Variants in BRAF observed in about 807,000 individuals in gnomAD.
BRAF encodes the protein B-Raf proto-oncogene, serine/threonine kinase.
Under a neutral mutation model 104.6 loss-of-function variants are expected in BRAF, and 16 were observed. That is an observed-to-expected ratio of 0.15 (90% CI 0.10 to 0.23). BRAF has a LOEUF of 0.23. Among genes scored for constraint, BRAF ranks in the 10% least tolerant of loss-of-function variants. The pLI is 1.00. For missense variants in BRAF, 541 were observed against 937.3 expected, an observed-to-expected ratio of 0.58 and a Z score of 5.52; for synonymous variants, 310 against 341.6, an observed-to-expected ratio of 0.91 and a Z score of 1.02.
chr7:140,736,239 T>C (rs1413663511), intron 18 of BRAF, among the ~76,000 whole-genome samples: 2 of 149,536 alleles, frequency 1.3e-5, no homozygotes, highest in Non-Finnish European at 3.0e-5. Context: ...CCCGGATAAT[T>C]TTGTATTTTT....
At chr7:140,861,735 A>G (rs1367644746) in intron 1 of BRAF, among the ~76,000 whole-genome samples, 1 of 152,244 alleles carries the variant, frequency 6.6e-6, no homozygotes, top group African/African-American at 2.4e-5. Flanking sequence ...ATCTGTGTCT[A>G]TAATTTTTTT....
chr7:140,757,806 G>A (rs971684663), intron 14 of BRAF, among the ~76,000 whole-genome samples: 1 of 152,086 alleles, frequency 6.6e-6, no homozygotes, highest in African/African-American at 2.4e-5. Context: ...TTCTAAATAC[G>A]TAATTATATT....
chr7:140,906,323 A>G (rs1215279265), intron 1 of BRAF, among the ~76,000 whole-genome samples: 2 of 151,806 alleles, frequency 1.3e-5, no homozygotes, highest in African/African-American at 4.8e-5. Context: ...CACCTCAGCC[A>G]CCTGAGTAGC....
rs1208264905 is a variant in BRAF at position 140,918,083 on chromosome 7, A to G, written c.138+6483T>C. ...TTTTCTACACAGATGATACCTGAGA[A>G]GATTTATGCCAGCACAAACCTCTCT... On this transcript the variant is annotated intron_variant, in intron 1 of 19. Coordinates refer to ENST00000644969, the MANE Select transcript of BRAF (RefSeq NM_001374258.1). 2.0e-5 allele frequency among the ~76,000 whole-genome samples: 3 copies of G among 152,194 alleles called. No homozygotes were observed. In the East Asian group the frequency reaches 5.8e-4, roughly 29 times the overall value.
At chr7:140,883,273 T>C (rs941365901) in intron 1 of BRAF, among the ~76,000 whole-genome samples, 1 of 152,184 alleles carries the variant, frequency 6.6e-6, no homozygotes, top group Non-Finnish European at 1.5e-5. Context: ...TACTGGATCC[T>C]ATTTAGTCAC....
chr7:140,868,356 T>A (rs1490965799), intron 1 of BRAF, among the ~76,000 whole-genome samples: 1 of 152,128 alleles, frequency 6.6e-6, no homozygotes, highest in Non-Finnish European at 1.5e-5. Flanking sequence ...GATGAATAAA[T>A]AAAATGTCGC....
intron 19 of BRAF, among the ~76,000 whole-genome samples, chr7:140,729,129 G>A (rs1795786417): frequency 6.6e-6 from 1 of 151,724 alleles, no homozygotes; most frequent in African/African-American, 2.4e-5. Flanking sequence ...GCTACCTAGA[G>A]GAGGCTGAAG....
intron 14 of BRAF, among the ~76,000 whole-genome samples, chr7:140,766,496 GA>G (rs1799338625): frequency 6.7e-6 from 1 of 149,684 alleles, no homozygotes; most frequent in Non-Finnish European, 1.5e-5. Flanking sequence ...AAAATGGAAA[GA>G]ATACCCACAC....
chr7:140,885,637 T>C (rs948761514), intron 1 of BRAF, among the ~76,000 whole-genome samples: 1 of 152,174 alleles, frequency 6.6e-6, no homozygotes, highest in Non-Finnish European at 1.5e-5. Context: ...GGCAACTGTG[T>C]CTATTTTTGT....
At chr7:140,827,064 T>C (rs1806140853) in intron 3 of BRAF, among the ~76,000 whole-genome samples, 1 of 152,198 alleles carries the variant, frequency 6.6e-6, no homozygotes, top group Admixed American at 6.5e-5. Context: ...TCATGGTGCT[T>C]ACCTTTTTCC....
intron 1 of BRAF, among the ~76,000 whole-genome samples, chr7:140,873,777 C>A (rs557191223): frequency 1.4e-4 from 21 of 152,274 alleles, no homozygotes; most frequent in African/African-American, 4.6e-4. Context: ...CACAGAGGAG[C>A]CCGGAGGAAA....
chr7:140,720,758 C>G lies in BRAF; in HGVS notation c.*5736G>C. On this transcript the variant is annotated 3_prime_UTR_variant, in exon 20 of 20. Coordinates refer to ENST00000644969, the MANE Select transcript of BRAF (RefSeq NM_001374258.1). Reference sequence around the variant, plus strand: ...TTTGCAGTGACTTCCAACTCATACTCCACCAAAACACACGTGGGTTCAAAA... The same window carrying G: ...TTTGCAGTGACTTCCAACTCATACTGCACCAAAACACACGTGGGTTCAAAA... The G allele has an allele frequency of 9.4e-7, 1 of 1,066,040 alleles. No homozygotes were observed. Among genetic ancestry groups the G allele is most frequent in the South Asian group, 4.6e-5 (1 of 21,974 alleles). The allele number at this position is 1,066,040 out of a possible 1,614,324, so 66.0% of individuals were successfully genotyped here. A position where few individuals can be genotyped will look rare whatever the true frequency, so the allele number is the denominator to read the frequency against.
chr7:140,865,157 G>A (rs922709553), intron 1 of BRAF, among the ~76,000 whole-genome samples: 4 of 151,104 alleles, frequency 2.6e-5, no homozygotes, highest in African/African-American at 4.9e-5. Flanking sequence ...TTGGTTCACC[G>A]CAGACTCCGC....
intron 1 of BRAF, among the ~76,000 whole-genome samples, chr7:140,892,352 A>T (rs2159474): frequency 2.0e-5 from 3 of 152,138 alleles, no homozygotes; most frequent in Non-Finnish European, 4.4e-5. Flanking sequence ...CCAAAAGGGG[A>T]GCTATATAAT....
At chr7:140,872,983 T>C (rs1811781302) in intron 1 of BRAF, among the ~76,000 whole-genome samples, 1 of 152,134 alleles carries the variant, frequency 6.6e-6, no homozygotes, top group Non-Finnish European at 1.5e-5. Flanking sequence ...ATCTTCAAAA[T>C]TCTAAGATAT....
At chr7:140,852,341 C>G (rs142568779) in intron 1 of BRAF, among the ~76,000 whole-genome samples, 123 of 151,216 alleles carry the variant, frequency 8.1e-4, no homozygotes, top group African/African-American at 2.5e-3. Context: ...TACACTCCGG[C>G]CTGGGCAACA....
intron 1 of BRAF, among the ~76,000 whole-genome samples, chr7:140,889,075 T>A (rs1173462075): frequency 6.6e-6 from 1 of 152,166 alleles, no homozygotes; most frequent in Non-Finnish European, 1.5e-5. Flanking sequence ...TAGGATTCAC[T>A]CAACTGCAGA....
At chr7:140,881,504 C>T (rs1029088424) in intron 1 of BRAF, among the ~76,000 whole-genome samples, 1 of 152,236 alleles carries the variant, frequency 6.6e-6, no homozygotes, top group African/African-American at 2.4e-5. Flanking sequence ...ATCCTCCCAC[C>T]TTGGCCTCTT....
chr7:140,920,126 G>A (rs1818059872), intron 1 of BRAF, among the ~76,000 whole-genome samples: 1 of 151,916 alleles, frequency 6.6e-6, no homozygotes, highest in Admixed American at 6.6e-5. Context: ...AAGAGCTACT[G>A]ACAAAAAAAG....
Sources: gnomAD v4.1 joint callset for allele counts (sites outside exome capture counted in the v4.1 genomes callset) on GRCh38, gnomAD v4.1.1 for gene constraint, MANE v1.5 for transcripts, NCBI Gene and HGNC (gene_info 2026-07-23, HGNC 2026-07-21) for gene names.